The following HS3ST5 variants were observed in gnomAD, a reference collection of about 807,000 sequenced individuals.
HS3ST5 encodes heparan sulfate-glucosamine 3-sulfotransferase 5, also known as heparan sulfate glucosamine 3-O-sulfotransferase 5.
In HS3ST5, 10 loss-of-function variants were observed where a neutral mutation model predicts 25.4. The ratio of observed to expected loss-of-function variants is 0.39; its 90% CI spans 0.24 to 0.67. The LOEUF (loss-of-function observed/expected upper bound fraction) is 0.67, where lower values mean the gene tolerates loss of function less well. Among genes scored for constraint, HS3ST5 ranks in the 30% least tolerant of loss-of-function variants. The pLI is 0.44. For synonymous variants in HS3ST5, 170 were observed against 162.4 expected, an observed-to-expected ratio of 1.05 and a Z score of -0.36; for missense variants, 324 against 420.7, an observed-to-expected ratio of 0.77 and a Z score of 2.01.
intron 3 of HS3ST5, among the ~76,000 whole-genome samples, chr6:114,131,007 A>C (rs1582634095): frequency 6.6e-6 from 1 of 152,168 alleles, no homozygotes; most frequent in Non-Finnish European, 1.5e-5. Flanking sequence ...ATGCCACTGC[A>C]CTCCAGCCTG....
intron 3 of HS3ST5, among the ~76,000 whole-genome samples, chr6:114,139,486 T>C (rs1400193206): frequency 6.6e-6 from 1 of 152,196 alleles, no homozygotes; most frequent in Non-Finnish European, 1.5e-5. Flanking sequence ...ATTTATCTGA[T>C]TCTACTCTAT....
chr6:114,266,739 G>A (rs542423124), intron 1 of HS3ST5, among the ~76,000 whole-genome samples: 1 of 152,218 alleles, frequency 6.6e-6, no homozygotes, highest in African/African-American at 2.4e-5. Context: ...TAATATGTTT[G>A]CTCTAACTTT....
intron 2 of HS3ST5, among the ~76,000 whole-genome samples, chr6:114,223,307 T>G (rs1005387707): frequency 3.3e-5 from 5 of 151,798 alleles, no homozygotes; most frequent in Admixed American, 6.6e-5. Flanking sequence ...GGGTATTACA[T>G]TAGAAAGGCA....
intron 1 of HS3ST5, among the ~76,000 whole-genome samples, chr6:114,319,283 T>C (rs1281711307): frequency 6.6e-6 from 1 of 152,124 alleles, no homozygotes; most frequent in Admixed American, 6.6e-5. Flanking sequence ...TTTAGATAAC[T>C]CCCCTCTTTT....
chr6:114,151,877 A>G (rs1778465854), intron 3 of HS3ST5, among the ~76,000 whole-genome samples: 1 of 152,124 alleles, frequency 6.6e-6, no homozygotes. Flanking sequence ...CTTATTGCCT[A>G]TTCTTTGTGG....
intron 1 of HS3ST5, among the ~76,000 whole-genome samples, chr6:114,243,814 C>T (rs1772253447): frequency 6.6e-6 from 1 of 152,200 alleles, no homozygotes; most frequent in African/African-American, 2.4e-5. Context: ...TGTCTTATTA[C>T]ACTGACTACT....
intron 2 of HS3ST5, among the ~76,000 whole-genome samples, chr6:114,206,733 C>A (rs1781289670): frequency 6.6e-6 from 1 of 152,106 alleles, no homozygotes. Context: ...TGTTACTAAA[C>A]ATACAGTATT....
chr6:114,234,825 T>C (rs919376027), intron 1 of HS3ST5, among the ~76,000 whole-genome samples: 2 of 152,200 alleles, frequency 1.3e-5, no homozygotes, highest in Non-Finnish European at 2.9e-5. Context: ...TCTAAAATTA[T>C]AGCACAAACC....
chr6:114,331,431 T>C (rs960520282), intron 1 of HS3ST5, among the ~76,000 whole-genome samples: 2 of 152,166 alleles, frequency 1.3e-5, no homozygotes, highest in African/African-American at 4.8e-5. Context: ...TTAATTAAAA[T>C]ATTTTTATGT....
At chr6:114,276,493 A>C (rs785126) in intron 1 of HS3ST5, among the ~76,000 whole-genome samples, 83,209 of 151,346 alleles carry the variant, frequency 0.55, 23,112 homozygotes, top group Middle Eastern at 0.65. Flanking sequence ...AATAAGAGTA[A>C]TCTTCTGATC....
intron 1 of HS3ST5, among the ~76,000 whole-genome samples, chr6:114,289,322 C>T (rs1324721650): frequency 1.3e-5 from 2 of 151,990 alleles, no homozygotes; most frequent in African/African-American, 4.8e-5. Flanking sequence ...GCTGCAACTG[C>T]TTCCAAATCA....
chr6:114,154,692 T>C (rs1562218272), intron 3 of HS3ST5, among the ~76,000 whole-genome samples: 1 of 152,068 alleles, frequency 6.6e-6, no homozygotes, highest in Non-Finnish European at 1.5e-5. Context: ...CTTACTTTGC[T>C]TGGGGGAAGG....
intron 2 of HS3ST5, among the ~76,000 whole-genome samples, chr6:114,206,841 G>A (rs1391948613): frequency 6.6e-6 from 1 of 152,156 alleles, no homozygotes; most frequent in East Asian, 1.9e-4. Context: ...CAAAAAGCCT[G>A]GAGTTGCATA....
intron 4 of HS3ST5, among the ~76,000 whole-genome samples, chr6:114,060,225 G>A (rs1304810066): frequency 6.6e-6 from 1 of 152,000 alleles, no homozygotes; most frequent in African/African-American, 2.4e-5. Flanking sequence ...TGTTGGCCTG[G>A]CTGGTCTTGA....
chr6:114,118,881 T>G (rs1340996209), intron 3 of HS3ST5, among the ~76,000 whole-genome samples: 3 of 152,180 alleles, frequency 2.0e-5, no homozygotes, highest in Non-Finnish European at 4.4e-5. Flanking sequence ...TGCCACCATG[T>G]CTGGTGTCTG....
At chr6:114,259,297 T>C (rs1328074718) in intron 1 of HS3ST5, among the ~76,000 whole-genome samples, 2 of 151,840 alleles carry the variant, frequency 1.3e-5, no homozygotes, top group Admixed American at 1.3e-4. Context: ...TCATAATTGA[T>C]GACACTGTTG....
intron 3 of HS3ST5, among the ~76,000 whole-genome samples, chr6:114,151,071 A>C (rs2114960149): frequency 6.6e-6 from 1 of 152,354 alleles, no homozygotes; most frequent in East Asian, 1.9e-4. Context: ...GTCATTCAAA[A>C]GATGGCTGAC....
At chr6:114,306,256 T>TACACACACAC (rs1554226914) in intron 1 of HS3ST5, among the ~76,000 whole-genome samples, 1 of 115,420 alleles carries the variant, frequency 8.7e-6, no homozygotes, top group African/African-American at 3.0e-5. Context: ...TATATATATA[T>TACACACACAC]ACACACACAC....
intron 1 of HS3ST5, among the ~76,000 whole-genome samples, chr6:114,341,222 G>GAA (rs1776838943): frequency 2.1e-5 from 1 of 46,600 alleles, no homozygotes; most frequent in Non-Finnish European, 3.6e-5. Flanking sequence ...GGAGAGAGGG[G>GAA]GAGAGAGAGA....
Sources: allele counts gnomAD v4.1 joint callset (sites outside exome capture counted in the v4.1 genomes callset), GRCh38; gene constraint gnomAD v4.1.1; transcripts MANE v1.5; gene names NCBI Gene and HGNC (gene_info 2026-07-23, HGNC 2026-07-21).